EEIG2: variants seen among roughly 807,000 people sequenced by gnomAD.
EEIG2 encodes the protein EEIG family member 2.
At chr1:108,628,066 A>C in the EEIG2 span, 5 of 955,554 alleles carry the variant, frequency 5.2e-6, no homozygotes, top group Non-Finnish European at 8.2e-6. Context: ...TATTGTTTTG[A>C]TAATGAACTT....
chr1:108,598,334 CAAAAAAA>C, the EEIG2 span, among the ~76,000 whole-genome samples: 28 of 91,880 alleles, frequency 3.0e-4, no homozygotes, highest in Middle Eastern at 5.9e-3. Flanking sequence ...ACCCTGTATC[CAAAAAAA>C]AAAAAAAAAA....
chr1:108,606,755 G>A, the EEIG2 span, among the ~76,000 whole-genome samples: 5 of 152,128 alleles, frequency 3.3e-5, no homozygotes, highest in Non-Finnish European at 7.4e-5. Context: ...TCTGTGAATG[G>A]TACCTCCATC....
the EEIG2 span, chr1:108,624,524 A>C: frequency 1.6e-6 from 1 of 616,392 alleles, no homozygotes; most frequent in Non-Finnish European, 2.7e-6. Context: ...TGTTACTTTC[A>C]CTCTCAAAGG....
the EEIG2 span, chr1:108,560,392 G>GGCTGTGCGCCCC: frequency 6.7e-7 from 1 of 1,494,214 alleles, no homozygotes; most frequent in African/African-American, 1.4e-5. Flanking sequence ...GGCGGCGCCC[G>GGCTGTGCGCCCC]GCCGTGCGCC....
chr1:108,628,696 T>G, the EEIG2 span: 4 of 1,611,930 alleles, frequency 2.5e-6, no homozygotes, highest in Non-Finnish European at 3.4e-6. Context: ...GAAACAAGAT[T>G]CTGTAGAATC....
At chr1:108,561,492 A>G in the EEIG2 span, among the ~76,000 whole-genome samples, 216 of 152,310 alleles carry the variant, frequency 1.4e-3, 2 homozygotes, top group African/African-American at 5.1e-3. Context: ...TTTCTGCCCT[A>G]AAAATATTCT....
the EEIG2 span, among the ~76,000 whole-genome samples, chr1:108,564,785 A>T: frequency 3.9e-5 from 6 of 152,168 alleles, no homozygotes; most frequent in African/African-American, 1.4e-4. Context: ...TCTACAAAAA[A>T]CATACCAAAA....
At chr1:108,627,688 T>C in the EEIG2 span, 5 of 156,826 alleles carry the variant, frequency 3.2e-5, no homozygotes, top group Non-Finnish European at 7.1e-5. Context: ...CTAACAACAC[T>C]AACATTAAAG....
At chr1:108,628,134 A>G in the EEIG2 span, 1 of 1,594,950 alleles carries the variant, frequency 6.3e-7, no homozygotes, top group Non-Finnish European at 8.6e-7. Context: ...CTTTTTGGCA[A>G]TAAGAATGAC....
chr1:108,623,686 T>G, the EEIG2 span, among the ~76,000 whole-genome samples: 3 of 152,172 alleles, frequency 2.0e-5, no homozygotes, highest in Admixed American at 6.5e-5. Context: ...AATATTTTTT[T>G]TTTGAGACGG....
At chr1:108,604,839 G>A in the EEIG2 span, among the ~76,000 whole-genome samples, 1 of 148,198 alleles carries the variant, frequency 6.7e-6, no homozygotes, top group African/African-American at 2.5e-5. Flanking sequence ...GACAAAACTA[G>A]GCAACATGGC....
the EEIG2 span, among the ~76,000 whole-genome samples, chr1:108,569,914 T>C: frequency 6.6e-6 from 1 of 152,228 alleles, no homozygotes; most frequent in Non-Finnish European, 1.5e-5. Context: ...TTACTACACA[T>C]ACTGTATCCT....
chr1:108,591,342 G>T, the EEIG2 span, among the ~76,000 whole-genome samples: 4 of 152,150 alleles, frequency 2.6e-5, no homozygotes, highest in East Asian at 7.7e-4. Flanking sequence ...AAAAAAATCT[G>T]AGTAATTGCC....
At chr1:108,634,301 C>T in the EEIG2 span, among the ~76,000 whole-genome samples, 2 of 152,172 alleles carry the variant, frequency 1.3e-5, no homozygotes, top group African/African-American at 4.8e-5. Flanking sequence ...TCTGTGAGAA[C>T]AGGAGTTTCT....
the EEIG2 span, chr1:108,612,097 T>C: frequency 1.1e-6 from 1 of 936,520 alleles, no homozygotes; most frequent in South Asian, 2.0e-5. Context: ...GTCTAGGGTA[T>C]GGGTTGAATA....
the EEIG2 span, among the ~76,000 whole-genome samples, chr1:108,596,645 T>G: frequency 1.3e-5 from 2 of 152,206 alleles, no homozygotes; most frequent in Non-Finnish European, 2.9e-5. Context: ...ATCCTATTCC[T>G]GTATGGTAGA....
At chr1:108,589,452 C>T in the EEIG2 span, among the ~76,000 whole-genome samples, 1 of 152,294 alleles carries the variant, frequency 6.6e-6, no homozygotes, top group Admixed American at 6.5e-5. Flanking sequence ...ACTGAAACTA[C>T]ACTTGCTAGT....
At chr1:108,576,829 G>A in the EEIG2 span, among the ~76,000 whole-genome samples, 2 of 151,956 alleles carry the variant, frequency 1.3e-5, no homozygotes, top group African/African-American at 4.8e-5. Context: ...GGATGGCTGG[G>A]TCAAATGGTA....
chr1:108,601,011 CT>C, the EEIG2 span, among the ~76,000 whole-genome samples: 1 of 151,970 alleles, frequency 6.6e-6, no homozygotes, highest in African/African-American at 2.4e-5. Context: ...GTTCTGGGAA[CT>C]TTATGTGTAA....
Sources: gnomAD v4.1 joint callset for allele counts (sites outside exome capture counted in the v4.1 genomes callset) on GRCh38, gnomAD v4.1.1 for gene constraint, MANE v1.5 for transcripts, NCBI Gene and HGNC (gene_info 2026-07-23, HGNC 2026-07-21) for gene names.